FDXR: variants seen among roughly 807,000 people sequenced by gnomAD.
FDXR encodes ferredoxin reductase.
A neutral mutation model predicts 58.3 loss-of-function variants in FDXR; 38 were observed. The observed-to-expected ratio is 0.65, with a 90% CI of 0.50 to 0.85. The LOEUF is 0.85. FDXR is among the 40% of genes least tolerant of loss of function. The probability of loss-of-function intolerance (pLI) is 0.00; values close to 1 mark genes in which losing one functional copy is unlikely to be tolerated. For missense variants in FDXR, 624 were observed against 671.0 expected, an observed-to-expected ratio of 0.93 and a Z score of 0.77; for synonymous variants, 275 against 273.8, an observed-to-expected ratio of 1.00 and a Z score of -0.04.
In FDXR at chr17:74,865,791, G is replaced by C; in HGVS notation, c.537C>G (p.Ala179=). The change falls in exon 6 of 12, where the codon GCC becomes GCG. Residue 179 remains alanine (A), a synonymous_variant. Transcript: ENST00000293195. Reference sequence around the variant, plus strand: ...CCACGTTCCCCTGCCCCAGAATCACGGCTGTGTCACAGCTCAGGTCTGGCT... The same window carrying C: ...CCACGTTCCCCTGCCCCAGAATCACCGCTGTGTCACAGCTCAGGTCTGGCT... ...ELEPDLSCDT[A]VILGQGNVAL... The C allele has an allele frequency of 1.9e-6, 3 of 1,613,618 alleles. No individual in the cohort carries two copies. In the South Asian group the frequency reaches 3.3e-5, roughly 18 times the overall value.
In FDXR at chr17:74,864,154, T is replaced by C. The variant is rs751057552; in HGVS notation, c.996A>G (p.Arg332=). The C allele has an allele frequency of 6.2e-7, 1 of 1,612,718 alleles. No individual in the cohort carries two copies. Among genetic ancestry groups the C allele is most frequent in the South Asian group, 1.1e-5 (1 of 91,084 alleles). Reference sequence around the variant, plus strand: ...TGGGAAACATGAGACTCACCTCCAGTCTAGTGACTGCTAGGCGGACACCTG... The same window carrying C: ...TGGGAAACATGAGACTCACCTCCAGCCTAGTGACTGCTAGGCGGACACCTG... ...RAAGVRLAVT[R]LEGVDEATRA... is the part of the protein sequence containing the mutation. Residue 332 remains arginine (R), a synonymous_variant, in exon 9 of 12, where the codon AGA becomes AGG. Coordinates refer to ENST00000293195, the MANE Select transcript of FDXR (RefSeq NM_024417.5).
intron 1 of FDXR, chr17:74,872,385 C>CA (rs1428277290): frequency 7.5e-6 from 7 of 937,786 alleles, no homozygotes; most frequent in Non-Finnish European, 1.1e-5. Flanking sequence ...GCCTGCCCAA[C>CA]AACACTTCAT....
At position 74,866,858 on chromosome 17, in the gene FDXR, C is replaced by A. The variant is rs770881591; in HGVS notation, c.196G>T (p.Asp66Tyr). The change falls in exon 3 of 12, where the codon GAC becomes TAC. Residue 66 changes from aspartate (D) to tyrosine (Y), a missense_variant. Physicochemically the swap from Asp to Tyr is radical, Grantham distance 160. Coordinates refer to ENST00000293195, the MANE Select transcript of FDXR (RefSeq NM_024417.5). ...HLLKHPQAHV[D>Y]IYEKQPVPFG... ...GGCACAGGCTGTTTCTCGTAGATGT[C>A]CACGTGGGCCTGGGGGTGCTGCTGG... 1.9e-6 allele frequency: 3 copies of A among 1,614,120 alleles called. No homozygotes were observed. The South Asian group carries it at 3.3e-5, about 18-fold the overall frequency.
At chr17:74,867,447 A>G (rs527388310) in intron 2 of FDXR, among the ~76,000 whole-genome samples, 1 of 151,926 alleles carries the variant, frequency 6.6e-6, no homozygotes, top group Admixed American at 6.6e-5. Context: ...CAGGTCAAGC[A>G]CAACCCACAG....
chr17:74,865,195 C>T (rs564341762), intron 6 of FDXR, among the ~76,000 whole-genome samples: 2 of 152,130 alleles, frequency 1.3e-5, no homozygotes, highest in South Asian at 2.1e-4. Context: ...CTTGGAGGGG[C>T]GGGGTGGTCA....
chr17:74,871,349 C>G (rs35113628), intron 2 of FDXR, among the ~76,000 whole-genome samples: 3 of 152,214 alleles, frequency 2.0e-5, no homozygotes, highest in Non-Finnish European at 4.4e-5. Context: ...TTAAGATATT[C>G]ATCCTTTCTC....
Position 74,865,056 on chromosome 17 carries a change from C to T in FDXR, c.610-125G>A, listed in dbSNP as rs780295136. ...GGCTCAAAATTGCGCCACTGCTCCC[C>T]CCTGGTGGCCAGATGGAGCATTGCT... On this transcript the variant is annotated intron_variant, in intron 6 of 11. Transcript: ENST00000293195. The T allele has an allele frequency of 7.5e-5, 100 of 1,341,822 alleles. No individual in the cohort carries two copies. In the African/African-American group the frequency reaches 1.3e-3, roughly 17 times the overall value. 83.1% of individuals were successfully genotyped at this position (1,341,822 alleles called of 1,614,324 possible).
chr17:74,863,054 A>T (rs752720680), intron 11 of FDXR, 22 bp downstream of exon 11: 1 of 1,607,444 alleles, frequency 6.2e-7, no homozygotes, highest in African/African-American at 1.3e-5. Context: ...ACCTCCCAGG[A>T]CCTCAGCATC....
intron 5 of FDXR, 68 bp from the exon 6 acceptor site, chr17:74,865,888 G>A (rs977135167): frequency 4.0e-6 from 5 of 1,261,722 alleles, no homozygotes; most frequent in Non-Finnish European, 5.7e-6. Flanking sequence ...GTCTGCAGGT[G>A]CCTCATGCCT....
intron 7 of FDXR, 57 bp from the exon 8 acceptor site, chr17:74,864,621 T>A: frequency 1.3e-6 from 2 of 1,528,778 alleles, no homozygotes; most frequent in South Asian, 2.3e-5. Context: ...ACAGTCCACC[T>A]GAGCCCACCC....
In FDXR at chr17:74,864,744, G is replaced by A. The variant is rs1026772364; in HGVS notation, c.717+80C>T. 4.9e-5 allele frequency: 77 copies of A among 1,585,398 alleles called. 1 individual carries two copies. The highest frequency in any genetic ancestry group is 2.3e-4 in the South Asian group (21 of 89,864). On this transcript the variant is annotated intron_variant, in intron 7 of 11. Transcript: ENST00000293195. ...CATCCCAGGCAGCAGCTACTCCCAGGGGCTCTGCCCCACCCCAACCCCTTA... is the reference window on the plus strand; with the variant it reads ...CATCCCAGGCAGCAGCTACTCCCAGAGGCTCTGCCCCACCCCAACCCCTTA...
intron 2 of FDXR, among the ~76,000 whole-genome samples, chr17:74,867,960 C>T (rs761755302): frequency 1.3e-5 from 2 of 152,104 alleles, no homozygotes; most frequent in Non-Finnish European, 2.9e-5. Flanking sequence ...ACAGCTGACA[C>T]GCCCAGCCCC....
Position 74,864,370 on chromosome 17 carries a change from C to A in FDXR, c.803-23G>T, listed in dbSNP as rs1228844362. ...CCTCTGTCAGCAACGTAGAATGTCTCCAGGCTGTCCCTGGGCCCCGGCCCT... is the reference window on the plus strand; with the variant it reads ...CCTCTGTCAGCAACGTAGAATGTCTACAGGCTGTCCCTGGGCCCCGGCCCT... On this transcript the variant is annotated intron_variant, in intron 8 of 11. Transcript: ENST00000293195. The A allele has an allele frequency of 1.9e-6, 3 of 1,586,562 alleles. No individual in the cohort carries two copies. In the Admixed American group the frequency reaches 5.2e-5, roughly 28 times the overall value.
intron 7 of FDXR, 109 bp from the exon 8 acceptor site, chr17:74,864,673 C>A: frequency 7.1e-7 from 1 of 1,417,596 alleles, no homozygotes. Flanking sequence ...CCCGCCTCCT[C>A]CCCAAAGGCA....
In FDXR at chr17:74,866,839, G is replaced by A; in HGVS notation, c.215C>T (p.Pro72Leu). The A allele has an allele frequency of 6.2e-7, 1 of 1,614,224 alleles. No individual in the cohort carries two copies. The highest frequency in any genetic ancestry group is 2.2e-5 in the East Asian group (1 of 44,874). The change falls in exon 3 of 12, where the codon CCT becomes CTT. Residue 72 changes from proline (P) to leucine (L), a missense_variant. Pro to Leu is a moderately conservative substitution (Grantham distance 98). Transcript: ENST00000293195. ...QAHVDIYEKQ[P>L]VPFGLVRFGV... Reference sequence around the variant, plus strand: ...AAAGCGCACCAGGCCAAAGGGCACAGGCTGTTTCTCGTAGATGTCCACGTG... The same window carrying A: ...AAAGCGCACCAGGCCAAAGGGCACAAGCTGTTTCTCGTAGATGTCCACGTG...
intron 2 of FDXR, chr17:74,868,543 A>G (rs1207452892): frequency 6.5e-7 from 1 of 1,528,572 alleles, no homozygotes; most frequent in African/African-American, 1.4e-5. Context: ...CACCCAACCA[A>G]CCTCTCTGTC....
At position 74,862,721 on chromosome 17, in the gene FDXR, G is replaced by C. The variant is rs2038007199; in HGVS notation, c.*96C>G. ...AAGCCTCCAAGCCAGGGCCGGCCGG[G>C]ATCAGCAGAGGTGCAAAGTCCCACT... On this transcript the variant is annotated 3_prime_UTR_variant, in exon 12 of 12. Transcript: ENST00000293195. 1 of 1,464,288 alleles carries C rather than the reference G, an allele frequency of 6.8e-7. No homozygotes were observed. The allele number at this position is 1,464,288 out of a possible 1,614,324, so 90.7% of individuals were successfully genotyped here.
chr17:74,868,198 ACCTC>A (rs2038258834), intron 2 of FDXR: 1 of 339,950 alleles, frequency 2.9e-6, no homozygotes, highest in African/African-American at 2.3e-5. Context: ...TACCCAAACC[ACCTC>A]CCTCAAGCCC....
intron 2 of FDXR, 194 bp from the exon 3 acceptor site, chr17:74,867,070 G>C: frequency 2.4e-6 from 3 of 1,268,054 alleles, no homozygotes; most frequent in Non-Finnish European, 3.2e-6. Flanking sequence ...ACTTTGGGAG[G>C]CTGAGGCAGG....
Sources: allele counts gnomAD v4.1 joint callset (sites outside exome capture counted in the v4.1 genomes callset), GRCh38; gene constraint gnomAD v4.1.1; transcripts MANE v1.5; gene names NCBI Gene and HGNC (gene_info 2026-07-23, HGNC 2026-07-21).